Variants in VPS8 observed in about 807,000 individuals in gnomAD.
VPS8 encodes the protein VPS8 subunit of CORVET complex, also known as vacuolar protein sorting-associated protein 8 homolog.
A neutral mutation model predicts 216.4 loss-of-function variants in VPS8; 129 were observed. That is an observed-to-expected ratio of 0.60 (90% CI 0.52 to 0.69). VPS8 has a LOEUF of 0.69. VPS8 is among the 30% of genes least tolerant of loss of function. VPS8 has a pLI of 0.00. For missense variants in VPS8, 1,531 were observed against 1,683.5 expected, an observed-to-expected ratio of 0.91 and a Z score of 1.59; for synonymous variants, 571 against 565.4, an observed-to-expected ratio of 1.01 and a Z score of -0.14.
At chr3:185,015,094 A>G in intron 45 of VPS8, among the ~76,000 whole-genome samples, 1 of 152,256 alleles carries the variant, frequency 6.6e-6, no homozygotes, top group East Asian at 1.9e-4. Context: ...AAGATGAGGA[A>G]TGCACCATTT....
chr3:184,928,511 C>G lies in VPS8; in HGVS notation c.2692C>G (p.Arg898Gly). ...TCAATTTGAAGAGAGTCGACTCATCCGGATGGCAGAAAAAGCTGAGTTGTA... is the reference window on the plus strand; with the variant it reads ...TCAATTTGAAGAGAGTCGACTCATCGGGATGGCAGAAAAAGCTGAGTTGTA... The part of the protein sequence containing the change: ...IVQFEESRLI[R>G]MAEKAEFYQI... Residue 898 changes from arginine (R) to glycine (G), a missense_variant, in exon 32 of 48, where the codon CGG (arginine) becomes GGG (glycine). By Grantham distance (125) the Arg-to-Gly change is moderately radical. Coordinates refer to ENST00000625842, the MANE Select transcript of VPS8 (RefSeq NM_001009921.3). 6.6e-7 allele frequency: 1 copy of G among 1,522,502 alleles called. No homozygotes were observed. The highest frequency in any genetic ancestry group is 8.7e-7 in the Non-Finnish European group (1 of 1,147,094). 94.3% of individuals were successfully genotyped at this position (1,522,502 alleles called of 1,614,324 possible).
rs1560433683 is a variant in VPS8 at position 184,862,931 on chromosome 3, G to A, written c.1259G>A (p.Ser420Asn). 6.2e-7 allele frequency: 1 copy of A among 1,613,912 alleles called. No individual in the cohort carries two copies. Among genetic ancestry groups the A allele is most frequent in the Non-Finnish European group, 8.5e-7 (1 of 1,179,802 alleles). ...INSRTVVLLD[S>N]VEKLHVIDRQ... ...TCACGCACAGTTGTGCTCTTAGACA[G>A]CGTAGAGAAGTTGCATGTGATTGAT... The change falls in exon 16 of 48, where the codon AGC becomes AAC. Residue 420 changes from serine to asparagine, a missense_variant. Physicochemically the swap from Ser to Asn is conservative, Grantham distance 46 (BLOSUM62 1). This residue lies in a region of VPS8 where 1,318 missense variants were observed against 1,468.4 expected (regional missense o/e 0.90). Transcript: ENST00000625842.
At chr3:184,968,752 GCCC>G (rs1747836179) in intron 39 of VPS8, among the ~76,000 whole-genome samples, 1 of 152,138 alleles carries the variant, frequency 6.6e-6, no homozygotes, top group Admixed American at 6.5e-5. Flanking sequence ...TTTTAAAACA[GCCC>G]TCCTGAAGAT....
chr3:184,919,223 CTTTTTA>C (rs1041900385), intron 28 of VPS8: 3 of 152,080 alleles, frequency 2.0e-5, no homozygotes, highest in African/African-American at 7.2e-5. Context: ...TGTGAAATTC[CTTTTTA>C]TTTTTAGTCT....
rs549153553 is a variant in VPS8, at chr3:184,894,660, T to G, written c.1782-43T>G. ...TGGGAGACTAAATTTAATGGATATT[T>G]GGCATGTTCCTAAAAGTTTTTCTCC... is the stretch of plus-strand genomic sequence containing the variant. On this transcript the variant is annotated intron_variant, in intron 22 of 47. Coordinates refer to ENST00000625842, the MANE Select transcript of VPS8 (RefSeq NM_001009921.3). The G allele has an allele frequency of 1.7e-5, 24 of 1,432,290 alleles. No individual in the cohort carries two copies. In the East Asian group the frequency reaches 3.7e-4, roughly 22 times the overall value. 88.7% of individuals were successfully genotyped at this position (1,432,290 alleles called of 1,614,324 possible).
At chr3:185,045,176 T>TAGGAGGCTTCTAGAAGACCGAAAAGA (rs1268923437) in intron 46 of VPS8, among the ~76,000 whole-genome samples, 1 of 151,256 alleles carries the variant, frequency 6.6e-6, no homozygotes, top group South Asian at 2.1e-4. Context: ...GCCACCAGTG[T>TAGGAGGCTTCTAGAAGACCGAAAAGA]CAATACAAAG....
chr3:184,982,858 A>T (rs1291861919), intron 41 of VPS8, among the ~76,000 whole-genome samples, 154 bp from the exon 42 acceptor site: 1 of 152,154 alleles, frequency 6.6e-6, no homozygotes, highest in African/African-American at 2.4e-5. Context: ...AGTCTTTGTA[A>T]CTTGTCAACA....
In VPS8 at chr3:184,920,147, T is replaced by A. The variant is rs1355648663; in HGVS notation, c.2403T>A (p.Asn801Lys). The A allele has an allele frequency of 1.4e-5, 21 of 1,525,798 alleles. No individual in the cohort carries two copies. Among genetic ancestry groups the A allele is most frequent in the Non-Finnish European group, 1.8e-5 (21 of 1,138,290 alleles). The allele number at this position is 1,525,798 out of a possible 1,614,324, so 94.5% of individuals were successfully genotyped here. ...TTTAGACTTTTGAAGATTTTAAAAA[T>A]GACAAGCAAGCTGTGGAATATCAAC... ...VLALTFEDFKNDKQAVEYQQR... is the reference protein window; with the variant it reads ...VLALTFEDFKKDKQAVEYQQR... Residue 801 changes from asparagine to lysine, a missense_variant, in exon 29 of 48, where the codon AAT (asparagine) becomes AAA (lysine). Around this residue, in one of 3 missense-constraint regions of VPS8, gnomAD observed 1,318 missense variants for 1,468.4 expected, o/e 0.90. Transcript: ENST00000625842.
At chr3:184,843,955 T>C (rs934812652) in intron 8 of VPS8, among the ~76,000 whole-genome samples, 6 of 152,190 alleles carry the variant, frequency 3.9e-5, no homozygotes, top group African/African-American at 1.2e-4. Context: ...GGATTCAGTA[T>C]GCCCTGGCTT....
At chr3:184,915,152 A>C in intron 27 of VPS8, 99 bp downstream of exon 27, 1 of 1,401,480 alleles carries the variant, frequency 7.1e-7, no homozygotes. Context: ...GTCAGGAGCT[A>C]TCACCTGTTG....
chr3:184,889,701 A>T (rs1440252017), intron 22 of VPS8, among the ~76,000 whole-genome samples: 1 of 152,064 alleles, frequency 6.6e-6, no homozygotes, highest in Non-Finnish European at 1.5e-5. Context: ...ATTCCTAGAG[A>T]TGTAAGAAAG....
intron 36 of VPS8, among the ~76,000 whole-genome samples, chr3:184,954,234 C>T (rs1045410931): frequency 6.6e-6 from 1 of 152,206 alleles, no homozygotes; most frequent in African/African-American, 2.4e-5. Flanking sequence ...GCACACTGCC[C>T]TCCAGGACCC....
intron 44 of VPS8, among the ~76,000 whole-genome samples, chr3:184,999,297 G>C (rs1223093920): frequency 2.6e-5 from 4 of 152,266 alleles, no homozygotes. Flanking sequence ...AACCTCAGCT[G>C]ATCTGCCCAC....
chr3:185,020,490 T>TA (rs1365727614), intron 45 of VPS8, among the ~76,000 whole-genome samples: 3 of 151,744 alleles, frequency 2.0e-5, no homozygotes, highest in Non-Finnish European at 4.4e-5. Context: ...TTTTTGCATT[T>TA]AAAAAGGCCT....
At chr3:185,045,168 C>T (rs1047865541) in intron 46 of VPS8, among the ~76,000 whole-genome samples, 1 of 152,248 alleles carries the variant, frequency 6.6e-6, no homozygotes, top group African/African-American at 2.4e-5. Flanking sequence ...CCTTCATTGC[C>T]ACCAGTGTCA....
At chr3:185,021,534 A>G (rs999806177) in intron 45 of VPS8, among the ~76,000 whole-genome samples, 1 of 152,198 alleles carries the variant, frequency 6.6e-6, no homozygotes, top group Non-Finnish European at 1.5e-5. Flanking sequence ...CCCTTTTCAA[A>G]AAGAGCATAC....
At chr3:185,050,546 C>T (rs1450726103) in intron 47 of VPS8, among the ~76,000 whole-genome samples, 1 of 152,184 alleles carries the variant, frequency 6.6e-6, no homozygotes, top group African/African-American at 2.4e-5. Flanking sequence ...TGCCAGAGGT[C>T]GGAGGGCACC....
At chr3:184,963,649 A>G (rs960165293) in intron 37 of VPS8, among the ~76,000 whole-genome samples, 12 of 152,162 alleles carry the variant, frequency 7.9e-5, no homozygotes, top group African/African-American at 2.9e-4. Flanking sequence ...TAGGATCTCT[A>G]AGGTATTGGC....
chr3:184,881,777 C>CT (rs576144221), intron 21 of VPS8, among the ~76,000 whole-genome samples: 4 of 151,920 alleles, frequency 2.6e-5, no homozygotes, highest in Non-Finnish European at 4.4e-5. Flanking sequence ...ATTTATTTCA[C>CT]TTTTTTTGTA....
Sources: gnomAD v4.1 joint callset for allele counts (sites outside exome capture counted in the v4.1 genomes callset) on GRCh38, gnomAD v4.1.1 for gene constraint, gnomAD v4.1.1 regional missense constraint, MANE v1.5 for transcripts, NCBI Gene and HGNC (gene_info 2026-07-23, HGNC 2026-07-21) for gene names.